DENND1A: variants seen among roughly 807,000 people sequenced by gnomAD.
DENND1A encodes the protein DENN domain containing 1A, also known as DENN domain-containing protein 1A.
In DENND1A, 51 loss-of-function variants were observed where a neutral mutation model predicts 113.7. That is an observed-to-expected ratio of 0.45 (90% CI 0.36 to 0.57). The LOEUF is 0.57. Among genes scored for constraint, DENND1A ranks in the 20% least tolerant of loss-of-function variants. The pLI is 0.00. For missense variants in DENND1A, 1,258 were observed against 1,395.9 expected (o/e 0.90, Z 1.57); for synonymous variants, 565 against 570.8 (o/e 0.99, Z 0.14).
intron 11 of DENND1A, among the ~76,000 whole-genome samples, chr9:123,595,985 C>T (rs2059671299): frequency 6.6e-6 from 1 of 152,170 alleles, no homozygotes; most frequent in South Asian, 2.1e-4. Context: ...AGCAGGCTTC[C>T]CACTGCTGCA....
intron 13 of DENND1A, among the ~76,000 whole-genome samples, chr9:123,459,105 G>C (rs927979936): frequency 9.2e-5 from 14 of 152,232 alleles, no homozygotes. Flanking sequence ...GGAGGCAGAG[G>C]TTGCAGTGAA....
chr9:123,442,355 G>C (rs1208207198), intron 18 of DENND1A, among the ~76,000 whole-genome samples: 2 of 152,092 alleles, frequency 1.3e-5, no homozygotes, highest in African/African-American at 2.4e-5. Flanking sequence ...AGAGGCTGTC[G>C]ATGGCCAAAC....
chr9:123,714,418 A>G (rs1401685902), intron 5 of DENND1A, among the ~76,000 whole-genome samples: 2 of 152,136 alleles, frequency 1.3e-5, no homozygotes, highest in Non-Finnish European at 2.9e-5. Flanking sequence ...CCTGGCCAAC[A>G]TGGTGAAACC....
intron 5 of DENND1A, 87 bp from the exon 6 acceptor site, chr9:123,676,876 GT>G: frequency 7.8e-7 from 1 of 1,274,360 alleles, no homozygotes; most frequent in Admixed American, 1.7e-5. Context: ...ATACATTTCA[GT>G]TTTGCTCTAC....
chr9:123,904,480 G>C (rs572010182), intron 1 of DENND1A, among the ~76,000 whole-genome samples: 185 of 144,428 alleles, frequency 1.3e-3, no homozygotes, highest in Non-Finnish European at 2.3e-4. Context: ...AAAAAATTTA[G>C]AAGAATGTAT....
chr9:123,869,773 G>T (rs982900296), intron 2 of DENND1A, among the ~76,000 whole-genome samples: 1 of 152,118 alleles, frequency 6.6e-6, no homozygotes. Context: ...GGCTGAGGTG[G>T]GAGGATCTCT....
At chr9:123,673,091 T>C (rs776946081) in intron 6 of DENND1A, among the ~76,000 whole-genome samples, 7 of 152,258 alleles carry the variant, frequency 4.6e-5, no homozygotes, top group Admixed American at 1.3e-4. Context: ...TAACTTTCAA[T>C]TGTCTAATGT....
intron 2 of DENND1A, among the ~76,000 whole-genome samples, chr9:123,817,618 T>C (rs1458580882): frequency 2.0e-5 from 3 of 152,232 alleles, no homozygotes; most frequent in Non-Finnish European, 4.4e-5. Context: ...CATGTTTTCC[T>C]AGTTGGAATA....
chr9:123,572,872 CA>C (rs2058434693), intron 12 of DENND1A, among the ~76,000 whole-genome samples: 1 of 152,030 alleles, frequency 6.6e-6, no homozygotes, highest in African/African-American at 2.4e-5. Context: ...TGCCTACCCC[CA>C]ATTCATGAGG....
chr9:123,450,922 T>TA lies in DENND1A; in HGVS notation c.1300-174dup, dbSNP rs572218870. On this transcript the variant is annotated intron_variant, in intron 17 of 23. Transcript: ENST00000394215. ...GAAAACAAATACAACGGTAAAAGGT[T>TA]AAAAAAAAACCCTTAAAGAGGCTGC... 3.9e-3 allele frequency among the ~76,000 whole-genome samples: 582 copies of TA among 150,754 alleles called. 7 individuals carry two copies. The East Asian group carries it at 0.041, about 11-fold the overall frequency.
At chr9:123,654,856 G>A (rs779621686) in intron 8 of DENND1A, among the ~76,000 whole-genome samples, 2 of 152,124 alleles carry the variant, frequency 1.3e-5, no homozygotes, top group Non-Finnish European at 2.9e-5. Context: ...TGGGAACCTC[G>A]CTCAGCCGTG....
In DENND1A at chr9:123,457,907, G is replaced by A. The variant is rs181785414; in HGVS notation, c.994-10C>T. ...AAGTGATCGGCTCCTCCTGGGAAGT[G>A]CAGAGGGGAGAGGTGGGTCAGTGGC... is the stretch of plus-strand genomic sequence containing the variant. On this transcript the variant is annotated splice_polypyrimidine_tract_variant and intron_variant, in intron 13 of 23. Coordinates refer to ENST00000394215, the MANE Select transcript of DENND1A (RefSeq NM_001352964.2). 85 of 1,602,380 alleles carry A rather than the reference G, an allele frequency of 5.3e-5. No homozygotes were observed. In the African/African-American group the frequency reaches 7.1e-4, roughly 13 times the overall value.
chr9:123,767,233 T>C (rs1828962380), intron 4 of DENND1A, among the ~76,000 whole-genome samples: 2 of 152,078 alleles, frequency 1.3e-5, no homozygotes, highest in African/African-American at 4.8e-5. Flanking sequence ...AGGTTAGAGG[T>C]GGGGGAACAG....
At chr9:123,676,927 A>C (rs1440202177) in intron 5 of DENND1A, 138 bp from the exon 6 acceptor site, 6 of 784,054 alleles carry the variant, frequency 7.7e-6, no homozygotes, top group Non-Finnish European at 4.3e-6. Flanking sequence ...GTGGAAACAC[A>C]AACTGGCGAA....
At chr9:123,852,825 T>C (rs1843578724) in intron 2 of DENND1A, among the ~76,000 whole-genome samples, 1 of 152,192 alleles carries the variant, frequency 6.6e-6, no homozygotes, top group South Asian at 2.1e-4. Context: ...TCAAAAACAT[T>C]GGCTGATAAG....
At chr9:123,705,748 T>C (rs1312338184) in intron 5 of DENND1A, among the ~76,000 whole-genome samples, 1 of 152,212 alleles carries the variant, frequency 6.6e-6, no homozygotes, top group Non-Finnish European at 1.5e-5. Context: ...CATTCCAGAC[T>C]TATCTGTATT....
At chr9:123,445,423 G>T (rs924368478) in intron 18 of DENND1A, among the ~76,000 whole-genome samples, 16 of 152,378 alleles carry the variant, frequency 1.1e-4, no homozygotes, top group Non-Finnish European at 1.6e-4. Flanking sequence ...TTTTAACCAA[G>T]GGAGTGACTT....
At chr9:123,877,903 T>C (rs1847745156) in intron 2 of DENND1A, among the ~76,000 whole-genome samples, 1 of 152,156 alleles carries the variant, frequency 6.6e-6, no homozygotes, top group Admixed American at 6.5e-5. Flanking sequence ...GGAGAGGAAT[T>C]AGATGGCTGA....
rs897639622 is a variant in DENND1A at position 123,855,848 on chromosome 9, A to C, written c.88+23103T>G. 2.0e-4 allele frequency among the ~76,000 whole-genome samples: 31 copies of C among 151,872 alleles called. 1 individual carries two copies. The highest frequency in any genetic ancestry group is 1.5e-5 in the Non-Finnish European group (1 of 67,958). Reference sequence around the variant, plus strand: ...AGGTCGGGAGTTCAAGACCAGCCTGACCAACATGGAGAAACCCCACCTCTG... The same window carrying C: ...AGGTCGGGAGTTCAAGACCAGCCTGCCCAACATGGAGAAACCCCACCTCTG... On this transcript the variant is annotated intron_variant, in intron 2 of 23. Transcript: ENST00000394215.
Sources: gnomAD v4.1 joint callset for allele counts (sites outside exome capture counted in the v4.1 genomes callset) on GRCh38, gnomAD v4.1.1 for gene constraint, MANE v1.5 for transcripts, NCBI Gene and HGNC (gene_info 2026-07-23, HGNC 2026-07-21) for gene names.